PEPD: variants seen among roughly 807,000 people sequenced by gnomAD.
The protein encoded by PEPD is peptidase D, also known as xaa-Pro dipeptidase.
PEPD carries 53 observed loss-of-function variants against 60.7 expected under a neutral mutation model. That is an observed-to-expected ratio of 0.87 (90% CI 0.70 to 1.10). PEPD has a LOEUF of 1.10. Among genes scored for constraint, PEPD ranks in the 50% least tolerant of loss-of-function variants. PEPD has a pLI of 0.00. For missense variants in PEPD, 711 were observed against 711.9 expected (o/e 1.00, Z 0.01); for synonymous variants, 267 against 284.1 (o/e 0.94, Z 0.60).
chr19:33,387,943 G>A lies in PEPD; in HGVS notation c.1291C>T (p.Arg431Cys), dbSNP rs751121493. Residue 431 changes from arginine to cysteine, a missense_variant, in exon 14 of 15, where the codon CGC (arginine) becomes TGC (cysteine). Arg to Cys is a radical substitution (Grantham distance 180, BLOSUM62 -3). Transcript: ENST00000244137. Reference sequence around the variant, plus strand: ...ACCTCGCGGTTAAGGAAGGAGGCGCGGGCCGGGTCCGCCAGGGCCTCATCC... The same window carrying A: ...ACCTCGCGGTTAAGGAAGGAGGCGCAGGCCGGGTCCGCCAGGGCCTCATCC... ...LLDEALADPA[R>C]ASFLNREVLQ... The A allele has an allele frequency of 3.4e-5, 54 of 1,597,652 alleles. No homozygotes were observed. Among genetic ancestry groups the A allele is most frequent in the Non-Finnish European group, 4.3e-5 (50 of 1,172,950 alleles).
chr19:33,487,884 C>CT (rs1243162916), intron 6 of PEPD, among the ~76,000 whole-genome samples: 1 of 152,042 alleles, frequency 6.6e-6, no homozygotes, highest in Non-Finnish European at 1.5e-5. Context: ...AGGAATCCTC[C>CT]TGGGGGGTAG....
chr19:33,433,792 G>C (rs1194658987), intron 9 of PEPD, among the ~76,000 whole-genome samples: 1 of 152,200 alleles, frequency 6.6e-6, no homozygotes, highest in Non-Finnish European at 1.5e-5. Flanking sequence ...TGTAGCTCTG[G>C]AGATGTCTGT....
At chr19:33,468,801 C>T (rs796621620) in intron 7 of PEPD, among the ~76,000 whole-genome samples, 13 of 152,276 alleles carry the variant, frequency 8.5e-5, no homozygotes, top group African/African-American at 2.6e-4. Flanking sequence ...TTTCTCTCGG[C>T]GGAGGCAGCC....
chr19:33,389,584 G>C (rs1968163926), intron 13 of PEPD, among the ~76,000 whole-genome samples: 1 of 152,216 alleles, frequency 6.6e-6, no homozygotes, highest in African/African-American at 2.4e-5. Flanking sequence ...TCGAAGCCAG[G>C]GGCCTGGGGG....
intron 10 of PEPD, among the ~76,000 whole-genome samples, chr19:33,413,358 C>T (rs1369003649): frequency 2.0e-5 from 3 of 152,220 alleles, no homozygotes; most frequent in Non-Finnish European, 4.4e-5. Context: ...AGGCCATGCT[C>T]CCTCCTTCAC....
chr19:33,505,226 C>T (rs1476239608), intron 3 of PEPD, among the ~76,000 whole-genome samples: 1 of 152,102 alleles, frequency 6.6e-6, no homozygotes, highest in African/African-American at 2.4e-5. Flanking sequence ...CAGCTACAAA[C>T]AATGCTGCCT....
At chr19:33,499,640 G>A (rs1844269602) in intron 4 of PEPD, among the ~76,000 whole-genome samples, 1 of 152,208 alleles carries the variant, frequency 6.6e-6, no homozygotes, top group African/African-American at 2.4e-5. Context: ...TTGGTCCTGA[G>A]GGCTCAGGGA....
chr19:33,387,261 TG>T lies in PEPD; in HGVS notation c.*82del. 6.5e-7 allele frequency: 1 copy of T among 1,531,682 alleles called. No homozygotes were observed. The highest frequency in any genetic ancestry group is 9.0e-7 in the Non-Finnish European group (1 of 1,112,564). The allele number at this position is 1,531,682 out of a possible 1,614,324, so 94.9% of individuals were successfully genotyped here. A position where few individuals can be genotyped will look rare whatever the true frequency, so the allele number is the denominator to read the frequency against. On this transcript the variant is annotated 3_prime_UTR_variant, in exon 15 of 15. Transcript: ENST00000244137. ...GATTCTGGGTGCCGTCTCTCGCTAC[TG>T]GAGTGCTGACCAGCAGGCTGCCCAT... is the stretch of plus-strand genomic sequence containing the variant.
intron 7 of PEPD, among the ~76,000 whole-genome samples, chr19:33,475,286 G>A (rs1209210878): frequency 1.3e-5 from 2 of 151,942 alleles, no homozygotes; most frequent in African/African-American, 4.8e-5. Context: ...GGCAAAAGAT[G>A]AGTCCCTGAG....
chr19:33,423,233 G>A (rs147302133), intron 9 of PEPD, among the ~76,000 whole-genome samples: 133 of 152,292 alleles, frequency 8.7e-4, no homozygotes, highest in African/African-American at 3.1e-3. Flanking sequence ...GAAGTCTTTG[G>A]TATACCTCTG....
rs1041220999 is a variant in PEPD at position 33,419,673 on chromosome 19, G to T, written c.672-6030C>A. On this transcript the variant is annotated intron_variant, in intron 9 of 14. Transcript: ENST00000244137. Reference sequence around the variant, plus strand: ...CTGTGAAGGCTGAAGAAGATGCAGGGAAAAGCTTCAACTCCATAAACACTG... The same window carrying T: ...CTGTGAAGGCTGAAGAAGATGCAGGTAAAAGCTTCAACTCCATAAACACTG... Among the ~76,000 whole-genome samples, 3 of 152,364 alleles carry T rather than the reference G, an allele frequency of 2.0e-5. No homozygotes were observed. The East Asian group carries it at 5.8e-4, about 29-fold the overall frequency.
chr19:33,430,030 A>C (rs574937497), intron 9 of PEPD, among the ~76,000 whole-genome samples: 2 of 152,334 alleles, frequency 1.3e-5, no homozygotes, highest in East Asian at 3.9e-4. Context: ...GGTGTCCTGC[A>C]CGCTGGCTGA....
chr19:33,464,100 T>C (rs1312205443), intron 7 of PEPD, 38 bp from the exon 8 acceptor site: 2 of 1,486,566 alleles, frequency 1.3e-6, no homozygotes, highest in Admixed American at 1.7e-5. Context: ...AATCAGTGAC[T>C]TTCAGGAGGC....
chr19:33,392,262 C>A (rs889004594), intron 12 of PEPD, among the ~76,000 whole-genome samples: 1 of 152,196 alleles, frequency 6.6e-6, no homozygotes, highest in Non-Finnish European at 1.5e-5. Flanking sequence ...GGGGGCCACA[C>A]AGGCTCTGTG....
chr19:33,412,045 T>C (rs1024925810), intron 10 of PEPD, among the ~76,000 whole-genome samples: 4 of 152,236 alleles, frequency 2.6e-5, no homozygotes, highest in African/African-American at 9.6e-5. Flanking sequence ...GTGGAACACA[T>C]GTAAAACTTA....
chr19:33,395,519 C>T (rs1333910230), intron 12 of PEPD, among the ~76,000 whole-genome samples: 6 of 152,190 alleles, frequency 3.9e-5, no homozygotes, highest in Non-Finnish European at 8.8e-5. Flanking sequence ...AGGAACAAGC[C>T]CCGCTGCTCC....
intron 5 of PEPD, 66 bp downstream of exon 5, chr19:33,493,224 G>C: frequency 8.9e-7 from 1 of 1,127,254 alleles, no homozygotes; most frequent in East Asian, 2.4e-5. Flanking sequence ...CTGCAGGAGA[G>C]GTGGCCCCCA....
At chr19:33,418,496 C>T (rs994990132) in intron 9 of PEPD, among the ~76,000 whole-genome samples, 3 of 152,238 alleles carry the variant, frequency 2.0e-5, no homozygotes, top group African/African-American at 7.2e-5. Context: ...GTACTACATT[C>T]TTCTTGAATT....
At chr19:33,387,664 G>C in intron 14 of PEPD, 183 bp from the exon 15 acceptor site, 2 of 849,198 alleles carry the variant, frequency 2.4e-6, no homozygotes, top group East Asian at 5.3e-5. Flanking sequence ...CCCTGTCTTT[G>C]CCAGGTGGAT....
Sources: allele counts gnomAD v4.1 joint callset (sites outside exome capture counted in the v4.1 genomes callset), GRCh38; gene constraint gnomAD v4.1.1; transcripts MANE v1.5; gene names NCBI Gene and HGNC (gene_info 2026-07-23, HGNC 2026-07-21).